The following RPS6KC1 variants were observed in gnomAD, a reference collection of about 807,000 sequenced individuals.
RPS6KC1 encodes the protein inactive ribosomal protein S6 kinase delta-1.
A neutral mutation model predicts 103.8 loss-of-function variants in RPS6KC1; 54 were observed. The observed-to-expected ratio is 0.52, with a 90% CI of 0.42 to 0.65. RPS6KC1 has a LOEUF of 0.65. Ranked by LOEUF, RPS6KC1 falls within the 30% of genes least tolerant of loss-of-function variation. The pLI is 0.00. For synonymous variants in RPS6KC1, 439 were observed against 438.7 expected (o/e 1.00, Z -0.01); for missense variants, 1,151 against 1,253.8 (o/e 0.92, Z 1.24).
intron 8 of RPS6KC1, among the ~76,000 whole-genome samples, chr1:213,187,652 A>G (rs1315952003): frequency 6.6e-6 from 1 of 152,030 alleles, no homozygotes; most frequent in Non-Finnish European, 1.5e-5. Context: ...TTGTGGTTAG[A>G]GAACTCACAA....
At chr1:213,730,040 T>C in the RPS6KC1 span, among the ~76,000 whole-genome samples, 10 of 152,326 alleles carry the variant, frequency 6.6e-5, no homozygotes, top group African/African-American at 2.4e-4. Context: ...TTTTCTCTTC[T>C]GGCATTAGTT....
At chr1:213,269,338 C>T (rs2094986393) in intron 14 of RPS6KC1, among the ~76,000 whole-genome samples, 1 of 152,104 alleles carries the variant, frequency 6.6e-6, no homozygotes, top group South Asian at 2.1e-4. Flanking sequence ...GAAAAATAGA[C>T]AATTTAGTAA....
the RPS6KC1 span, among the ~76,000 whole-genome samples, chr1:213,823,255 A>G: frequency 1.3e-5 from 2 of 152,186 alleles, no homozygotes; most frequent in African/African-American, 2.4e-5. Context: ...TGATCACATG[A>G]TAGTATATGA....
chr1:213,115,389 C>A (rs1451594762), intron 4 of RPS6KC1, among the ~76,000 whole-genome samples: 2 of 152,146 alleles, frequency 1.3e-5, no homozygotes, highest in Admixed American at 1.3e-4. Flanking sequence ...TCTGTGGGAT[C>A]GGTGGTGATA....
the RPS6KC1 span, among the ~76,000 whole-genome samples, chr1:213,449,030 C>T: frequency 6.6e-6 from 1 of 152,162 alleles, no homozygotes; most frequent in Non-Finnish European, 1.5e-5. Flanking sequence ...CACAGATGTC[C>T]TTTGTAATTT....
chr1:213,795,421 T>C, the RPS6KC1 span, among the ~76,000 whole-genome samples: 1 of 152,200 alleles, frequency 6.6e-6, no homozygotes, highest in South Asian at 2.1e-4. Context: ...CTTCATAGCA[T>C]TGTGGGGAGT....
chr1:213,638,147 A>G, the RPS6KC1 span, among the ~76,000 whole-genome samples: 1 of 152,136 alleles, frequency 6.6e-6, no homozygotes, highest in East Asian at 1.9e-4. Context: ...ACATTCCCCC[A>G]ATAGGTAATG....
the RPS6KC1 span, among the ~76,000 whole-genome samples, chr1:213,378,119 G>A: frequency 8.7e-3 from 1,329 of 152,316 alleles, 18 homozygotes; most frequent in African/African-American, 0.03. Flanking sequence ...AGGAACTGAG[G>A]TACGCTGTTG....
At chr1:213,196,837 T>G (rs75862902) in intron 8 of RPS6KC1, among the ~76,000 whole-genome samples, 7,286 of 152,224 alleles carry the variant, frequency 0.048, 270 homozygotes, top group South Asian at 0.091. Context: ...ACATGCCTTT[T>G]TTTGTTTGTT....
At chr1:213,534,492 A>C in the RPS6KC1 span, among the ~76,000 whole-genome samples, 1 of 152,146 alleles carries the variant, frequency 6.6e-6, no homozygotes, top group Non-Finnish European at 1.5e-5. Context: ...AAAAGGAGCA[A>C]GTTTTCAAAT....
chr1:213,389,065 C>T, the RPS6KC1 span, among the ~76,000 whole-genome samples: 2 of 151,178 alleles, frequency 1.3e-5, no homozygotes, highest in Non-Finnish European at 2.9e-5. Flanking sequence ...ATGGCTGGTG[C>T]ATGCCAAAGC....
chr1:213,826,327 A>T, the RPS6KC1 span, among the ~76,000 whole-genome samples: 1 of 152,198 alleles, frequency 6.6e-6, no homozygotes, highest in Non-Finnish European at 1.5e-5. Context: ...TATTATCACT[A>T]AATTATATCA....
the RPS6KC1 span, among the ~76,000 whole-genome samples, chr1:213,386,039 C>T: frequency 6.6e-6 from 1 of 152,140 alleles, no homozygotes; most frequent in Non-Finnish European, 1.5e-5. Context: ...GAGGTGGGGC[C>T]TGGTGGGAGG....
chr1:213,094,132 T>C (rs954002628), intron 3 of RPS6KC1, among the ~76,000 whole-genome samples: 8 of 151,708 alleles, frequency 5.3e-5, no homozygotes, highest in African/African-American at 1.7e-4. Context: ...TATATATACG[T>C]TTTTTTCCAA....
chr1:213,685,078 C>G, the RPS6KC1 span, among the ~76,000 whole-genome samples: 1 of 152,140 alleles, frequency 6.6e-6, no homozygotes, highest in East Asian at 1.9e-4. Flanking sequence ...TCTACATCTT[C>G]TCCTTGTATG....
chr1:213,342,178 A>C, the RPS6KC1 span, among the ~76,000 whole-genome samples: 1 of 152,166 alleles, frequency 6.6e-6, no homozygotes, highest in African/African-American at 2.4e-5. Context: ...CTGACCTACC[A>C]GACGAATGGT....
chr1:213,082,911 A>G (rs1253886411), intron 3 of RPS6KC1, among the ~76,000 whole-genome samples: 1 of 152,202 alleles, frequency 6.6e-6, no homozygotes, highest in African/African-American at 2.4e-5. Context: ...AATGCTCTCA[A>G]TAAAGATTAA....
the RPS6KC1 span, among the ~76,000 whole-genome samples, chr1:213,357,890 T>C: frequency 6.6e-6 from 1 of 151,808 alleles, no homozygotes; most frequent in South Asian, 2.1e-4. Flanking sequence ...GTGGTGGAGG[T>C]GGTACCGCTT....
the RPS6KC1 span, among the ~76,000 whole-genome samples, chr1:213,349,745 T>C: frequency 2.6e-5 from 4 of 152,098 alleles, no homozygotes; most frequent in East Asian, 7.7e-4. Context: ...AAAAATAAAT[T>C]GGGAAAAACA....
Sources: allele counts gnomAD v4.1 joint callset (sites outside exome capture counted in the v4.1 genomes callset), GRCh38; gene constraint gnomAD v4.1.1; transcripts MANE v1.5; gene names NCBI Gene and HGNC (gene_info 2026-07-23, HGNC 2026-07-21).